Variants in CPM observed in about 807,000 individuals in gnomAD.
The protein encoded by CPM is renal carboxypeptidase.
In CPM, 35 loss-of-function variants were observed where a neutral mutation model predicts 46.4. The observed-to-expected ratio is 0.75, with a 90% CI of 0.58 to 1.00. The LOEUF (loss-of-function observed/expected upper bound fraction) is 1.00, where lower values mean the gene tolerates loss of function less well. Ranked by LOEUF, CPM falls within the 50% of genes least tolerant of loss-of-function variation. The probability of loss-of-function intolerance (pLI) is 0.00; values close to 1 mark genes in which losing one functional copy is unlikely to be tolerated. For missense variants in CPM, 422 were observed against 530.4 expected (o/e 0.80, Z 2.01); for synonymous variants, 195 against 195.3 (o/e 1.00, Z 0.01).
At chr12:68,934,911 ATTTC>A (rs1191578618), upstream of CPM, among the ~76,000 whole-genome samples, 15 of 151,582 alleles carry the variant, frequency 9.9e-5, no homozygotes, top group Admixed American at 2.6e-4. Context: ...TTAATTTTTT[ATTTC>A]TTTCTTTATT....
intron 4 of CPM, 160 bp downstream of exon 4, chr12:68,871,624 G>A: frequency 1.3e-6 from 1 of 743,184 alleles, no homozygotes; most frequent in Non-Finnish European, 2.2e-6. Flanking sequence ...CAAGCCGGAG[G>A]CAGCCCTGAT....
At chr12:68,842,923 G>T (rs946807109) in intron 5 of CPM, 1 of 209,272 alleles carries the variant, frequency 4.8e-6, no homozygotes, top group Admixed American at 5.9e-5. Flanking sequence ...GATAGTTGGG[G>T]ATGAGAGCCG....
At chr12:68,908,202 G>C (rs545996686) in intron 2 of CPM, among the ~76,000 whole-genome samples, 2 of 152,282 alleles carry the variant, frequency 1.3e-5, no homozygotes, top group South Asian at 4.1e-4. Context: ...ATTACAAGTA[G>C]AAACACTGAA....
intron 6 of CPM, among the ~76,000 whole-genome samples, chr12:68,867,403 A>G (rs1885502391): frequency 6.6e-6 from 1 of 152,238 alleles, no homozygotes; most frequent in South Asian, 2.1e-4. Context: ...CATGGATATA[A>G]GCTAGAATAA....
At chr12:68,858,851 A>C (rs1417328543) in intron 8 of CPM, 72 bp downstream of exon 8, 1 of 996,226 alleles carries the variant, frequency 1.0e-6, no homozygotes, top group East Asian at 3.0e-5. Flanking sequence ...CTTATTTTGG[A>C]TTCCTTCTGG....
intron 1 of CPM, among the ~76,000 whole-genome samples, chr12:68,939,224 A>C (rs1392616178): frequency 6.8e-6 from 1 of 146,796 alleles, no homozygotes; most frequent in Non-Finnish European, 1.5e-5. Flanking sequence ...TGATGTCTAT[A>C]CATATAGACA....
At position 68,861,910 on chromosome 12, in the gene CPM, C is replaced by CA. The variant is rs58592710; in HGVS notation, c.941-2840dup. ...GTAATGAGTAGTTGGCAGAAGACACCAAAAAAAAAAAAAAAAAAAAAAAAA... is the reference window on the plus strand; with the variant it reads ...GTAATGAGTAGTTGGCAGAAGACACCAAAAAAAAAAAAAAAAAAAAAAAAAA... On this transcript the variant is annotated intron_variant, in intron 7 of 8. Transcript: ENST00000551568. 8.6e-3 allele frequency among the ~76,000 whole-genome samples: 337 copies of CA among 39,258 alleles called. 24 individuals are homozygous for CA. Among genetic ancestry groups the CA allele is most frequent in the African/African-American group, 0.028 (260 of 9,292 alleles). 25.8% of individuals were successfully genotyped at this position (39,258 alleles called of 152,430 possible). A position where few individuals can be genotyped will look rare whatever the true frequency, so the allele number is the denominator to read the frequency against.
intron 8 of CPM, among the ~76,000 whole-genome samples, chr12:68,858,649 T>A (rs1565764843): frequency 6.6e-6 from 1 of 152,142 alleles, no homozygotes; most frequent in Non-Finnish European, 1.5e-5. Context: ...GGTTACATTT[T>A]AATCATAAAA....
chr12:68,880,340 C>T (rs1370431747), intron 3 of CPM, among the ~76,000 whole-genome samples: 3 of 152,100 alleles, frequency 2.0e-5, no homozygotes, highest in Admixed American at 6.5e-5. Flanking sequence ...AGGCTCACCA[C>T]GAGTGCTATG....
intron 2 of CPM, among the ~76,000 whole-genome samples, chr12:68,890,365 AT>A (rs1245722027): frequency 2.6e-4 from 38 of 145,698 alleles, no homozygotes; most frequent in Non-Finnish European, 4.5e-4. Flanking sequence ...AGTTTTTTTA[AT>A]TTAAAAAAAA....
intron 3 of CPM, among the ~76,000 whole-genome samples, chr12:68,882,156 T>C (rs558702188): frequency 6.6e-5 from 10 of 151,976 alleles, no homozygotes; most frequent in Admixed American, 3.9e-4. Flanking sequence ...TTGTGTGTTG[T>C]GGGGATTTGG....
At chr12:68,869,566 G>C (rs1885598721) in intron 5 of CPM, 71 bp from the exon 6 acceptor site, 45 of 1,383,206 alleles carry the variant, frequency 3.3e-5, no homozygotes, top group Non-Finnish European at 4.4e-5. Context: ...CACCATATTA[G>C]CAAAGACATA....
intron 7 of CPM, among the ~76,000 whole-genome samples, chr12:68,863,584 A>G (rs1316794206): frequency 1.3e-5 from 2 of 152,182 alleles, no homozygotes; most frequent in Non-Finnish European, 2.9e-5. Flanking sequence ...GGTGGGAGGC[A>G]AGGCTGATGC....
In CPM at chr12:68,871,874, A is replaced by G; in HGVS notation, c.341T>C (p.Ile114Thr). 1 of 1,614,100 alleles carries G rather than the reference A, an allele frequency of 6.2e-7. No individual in the cohort carries two copies. The highest frequency in any genetic ancestry group is 8.5e-7 in the Non-Finnish European group (1 of 1,180,016). Residue 114 changes from isoleucine to threonine, a missense_variant, in exon 4 of 9, where the codon ATC becomes ACC. Coordinates refer to ENST00000551568, the MANE Select transcript of CPM (RefSeq NM_198320.5). ...CATGATGTGTATCCGGGTACTATTG[A>G]TCAGATTTGTGATTTCAGGGTCTTT... Reference protein sequence around the residue: ...DGKDPEITNLINSTRIHIMPS... With the variant: ...DGKDPEITNLTNSTRIHIMPS...
intron 1 of CPM, among the ~76,000 whole-genome samples, chr12:68,941,483 C>T (rs1298456776): frequency 6.6e-6 from 1 of 152,048 alleles, no homozygotes; most frequent in African/African-American, 2.4e-5. Flanking sequence ...AAGTAATCCT[C>T]CCACCTGAGC....
chr12:68,944,165 A>G (rs1888806613), intron 1 of CPM, among the ~76,000 whole-genome samples: 1 of 152,226 alleles, frequency 6.6e-6, no homozygotes, highest in South Asian at 2.1e-4. Flanking sequence ...TTGTCTCCTC[A>G]TGACTCATGA....
intron 3 of CPM, among the ~76,000 whole-genome samples, chr12:68,877,232 T>C (rs1001393995): frequency 6.6e-6 from 1 of 152,162 alleles, no homozygotes; most frequent in African/African-American, 2.4e-5. Context: ...TGACCTCCCT[T>C]TCTCTAACTC....
intron 2 of CPM, among the ~76,000 whole-genome samples, chr12:68,918,800 G>A (rs1240942589): frequency 6.6e-6 from 1 of 152,118 alleles, no homozygotes; most frequent in Non-Finnish European, 1.5e-5. Flanking sequence ...TAGTCTCCCT[G>A]CTTCTATTCT....
rs1301449762 is a variant in CPM, at chr12:68,852,753, G to A, written c.*3684C>T. 9 of 151,592 alleles carry A rather than the reference G, an allele frequency of 5.9e-5. No individual in the cohort carries two copies. The highest frequency in any genetic ancestry group is 2.2e-4 in the African/African-American group (9 of 41,158). The allele number at this position is 151,592 out of a possible 1,614,324, so 9.4% of individuals were successfully genotyped here. A position where few individuals can be genotyped will look rare whatever the true frequency, so the allele number is the denominator to read the frequency against. On this transcript the variant is annotated 3_prime_UTR_variant, in exon 9 of 9. Transcript: ENST00000551568. ...TTGTATTTTTTTTTAGTAGAGATGG[G>A]GTTTCACCGTGTTGGCCAGGCTGGT...
Sources: allele counts gnomAD v4.1 joint callset (sites outside exome capture counted in the v4.1 genomes callset), GRCh38; gene constraint gnomAD v4.1.1; transcripts MANE v1.5; gene names NCBI Gene and HGNC (gene_info 2026-07-23, HGNC 2026-07-21).